ZNF527: variants seen among roughly 807,000 people sequenced by gnomAD.
The protein encoded by ZNF527 is zinc finger protein 527.
Under a neutral mutation model 13.5 loss-of-function variants are expected in ZNF527, and 5 were observed. That is an observed-to-expected ratio of 0.37 (90% CI 0.19 to 0.78). ZNF527 has a LOEUF of 0.78. Among genes scored for constraint, ZNF527 ranks in the 30% least tolerant of loss-of-function variants. ZNF527 has a pLI of 0.48. For missense variants in ZNF527, 628 were observed against 726.4 expected (o/e 0.86, Z 1.56); for synonymous variants, 209 against 243.1 (o/e 0.86, Z 1.30).
chr19:37,379,159 C>G lies in ZNF527; in HGVS notation c.73C>G (p.Gln25Glu). Residue 25 changes from glutamine to glutamate, a missense_variant, in exon 3 of 5, where the codon CAA becomes GAA. By Grantham distance (29) the Gln-to-Glu change is conservative. Coordinates refer to ENST00000436120, the MANE Select transcript of ZNF527 (RefSeq NM_032453.2). ...CAGAGATGTGGCGCTAGACTTTTCCCAAGAAGAGTGGGAATGGCTGAAGCC... is the reference window on the plus strand; with the variant it reads ...CAGAGATGTGGCGCTAGACTTTTCCGAAGAAGAGTGGGAATGGCTGAAGCC... ...TFRDVALDFS[Q>E]EEWEWLKPSQ... is the part of the protein sequence containing the mutation. 6.2e-7 allele frequency: 1 copy of G among 1,613,914 alleles called. No homozygotes were observed. Among genetic ancestry groups the G allele is most frequent in the Non-Finnish European group, 8.5e-7 (1 of 1,179,942 alleles).
At position 37,380,322 on chromosome 19, in the gene ZNF527, G is replaced by A. The variant is rs1264260812; in HGVS notation, c.206G>A (p.Gly69Glu). The change falls in exon 4 of 5, where the codon GGG becomes GAG. Residue 69 changes from glycine (G) to glutamate (E), a missense_variant. Gly to Glu is a moderately conservative substitution (Grantham distance 98, BLOSUM62 -2). This residue lies in a region of ZNF527 where 592 missense variants were observed against 678.0 expected (regional missense o/e 0.87). Coordinates refer to ENST00000436120, the MANE Select transcript of ZNF527 (RefSeq NM_032453.2). The stretch of plus-strand genomic sequence containing the variant: ...AACATGATCTCCTTACTGGAGCAAG[G>A]GAAGGAACCGTGGATGGTGGAGAGA... ...KPNMISLLEQGKEPWMVERKM... is the reference protein window; with the variant it reads ...KPNMISLLEQEKEPWMVERKM... 22 of 1,613,958 alleles carry A rather than the reference G, an allele frequency of 1.4e-5. No homozygotes were observed. The highest frequency in any genetic ancestry group is 1.7e-5 in the Non-Finnish European group (20 of 1,180,000).
At chr19:37,373,730 G>A (rs1237806186) in intron 1 of ZNF527, among the ~76,000 whole-genome samples, 1 of 152,188 alleles carries the variant, frequency 6.6e-6, no homozygotes, top group Non-Finnish European at 1.5e-5. Context: ...GGAATAAAGA[G>A]GAGTGGCCCA....
chr19:37,376,655 T>G (rs1386627432), intron 2 of ZNF527, among the ~76,000 whole-genome samples: 1 of 118,378 alleles, frequency 8.4e-6, no homozygotes, highest in Non-Finnish European at 1.6e-5. Flanking sequence ...GCCTGGGGCC[T>G]GGGTGACACG....
rs763058525 is a variant in ZNF527, at chr19:37,388,308, T to C, written c.259T>C (p.Trp87Arg). The C allele has an allele frequency of 3.7e-6, 6 of 1,610,240 alleles. No individual in the cohort carries two copies. The highest frequency in any genetic ancestry group is 5.1e-6 in the Non-Finnish European group (6 of 1,177,482). ...TTTGCTTTCTTGATATTTTTCAGAC[T>C]GGGAGTCTTGGTGTGAAATTGAGGA... ...RKMSQGHCAD[W>R]ESWCEIEELS... The change falls in exon 5 of 5, where the codon TGG becomes CGG. Residue 87 changes from tryptophan to arginine, a missense_variant and splice_region_variant. Trp to Arg is a moderately radical substitution (Grantham distance 101, BLOSUM62 -3). Around this residue, in one of 3 missense-constraint regions of ZNF527, gnomAD observed 592 missense variants for 678.0 expected, o/e 0.87. Coordinates refer to ENST00000436120, the MANE Select transcript of ZNF527 (RefSeq NM_032453.2).
At chr19:37,378,752 A>G (rs893670864) in intron 2 of ZNF527, among the ~76,000 whole-genome samples, 1 of 152,164 alleles carries the variant, frequency 6.6e-6, no homozygotes, top group African/African-American at 2.4e-5. Flanking sequence ...TTAAAGCCCA[A>G]TTCAAGGCCT....
chr19:37,385,976 G>A (rs116209610), intron 4 of ZNF527, among the ~76,000 whole-genome samples: 2,232 of 151,936 alleles, frequency 0.015, 65 homozygotes, highest in African/African-American at 0.051. Context: ...GTATAAGATA[G>A]TTCTTACCAC....
In ZNF527 at chr19:37,379,140, T is replaced by C. The variant is rs1470512249; in HGVS notation, c.54T>C (p.Asp18=). 3.7e-6 allele frequency: 6 copies of C among 1,614,122 alleles called. No homozygotes were observed. In the South Asian group the frequency reaches 6.6e-5, roughly 18 times the overall value. ...AMSQGLVTFR[D]VALDFSQEEW... ...TTCAGGGGTTGGTGACCTTCAGAGA[T>C]GTGGCGCTAGACTTTTCCCAAGAAG... The change falls in exon 3 of 5, where the codon GAT becomes GAC. Residue 18 remains aspartate, a synonymous_variant. Transcript: ENST00000436120.
chr19:37,371,674 A>G (rs1433088216), intron 1 of ZNF527, among the ~76,000 whole-genome samples: 1 of 152,116 alleles, frequency 6.6e-6, no homozygotes, highest in East Asian at 1.9e-4. Context: ...CCGCAGGTAT[A>G]GTTTTGTATC....
intron 4 of ZNF527, chr19:37,385,139 C>A: frequency 4.4e-6 from 2 of 458,598 alleles, no homozygotes; most frequent in South Asian, 5.5e-5. Context: ...GATTATTTTT[C>A]TTTTTCTTAC....
At position 37,389,732 on chromosome 19, in the gene ZNF527, G is replaced by C. The variant is rs753302710; in HGVS notation, c.1683G>C (p.Lys561Asn). Residue 561 changes from lysine to asparagine, a missense_variant, in exon 5 of 5, where the codon AAG becomes AAC. By Grantham distance (94) the Lys-to-Asn change is moderately conservative. Around this residue, in one of 3 missense-constraint regions of ZNF527, gnomAD observed 592 missense variants for 678.0 expected, o/e 0.87. Coordinates refer to ENST00000436120, the MANE Select transcript of ZNF527 (RefSeq NM_032453.2). ...EKPYECSECGKAFHQILSLRL... is the reference protein window; with the variant it reads ...EKPYECSECGNAFHQILSLRL... The stretch of plus-strand genomic sequence containing the variant: ...CCTATGAATGTAGTGAATGTGGGAA[G>C]GCTTTTCATCAGATCTTGTCCCTAA... 4 of 1,613,942 alleles carry C rather than the reference G, an allele frequency of 2.5e-6. No homozygotes were observed. Among genetic ancestry groups the C allele is most frequent in the Non-Finnish European group, 8.5e-7 (1 of 1,180,016 alleles).
In ZNF527 at chr19:37,388,756, A is replaced by T. The variant is rs924870461; in HGVS notation, c.707A>T (p.Asp236Val). 2 of 1,612,858 alleles carry T rather than the reference A, an allele frequency of 1.2e-6. No individual in the cohort carries two copies. Among genetic ancestry groups the T allele is most frequent in the African/African-American group, 2.7e-5 (2 of 74,950 alleles). Reference protein sequence around the residue: ...EFNQSTYLSKDIGIPPGEKPY... With the variant: ...EFNQSTYLSKVIGIPPGEKPY... Reference sequence around the variant, plus strand: ...AACCAGAGTACGTACCTTAGTAAAGATATAGGAATTCCTCCTGGGGAGAAA... The same window carrying T: ...AACCAGAGTACGTACCTTAGTAAAGTTATAGGAATTCCTCCTGGGGAGAAA... The change falls in exon 5 of 5, where the codon GAT becomes GTT. Residue 236 changes from aspartate (D) to valine (V), a missense_variant. By Grantham distance (152) the Asp-to-Val change is radical (BLOSUM62 -3). Transcript: ENST00000436120.
chr19:37,375,674 A>T (rs2040602428), intron 2 of ZNF527, among the ~76,000 whole-genome samples: 1 of 151,952 alleles, frequency 6.6e-6, no homozygotes, highest in African/African-American at 2.4e-5. Flanking sequence ...TAGTGTATTT[A>T]AAACATGAGA....
intron 4 of ZNF527, among the ~76,000 whole-genome samples, chr19:37,383,594 A>C (rs2040673163): frequency 6.7e-6 from 1 of 149,070 alleles, no homozygotes; most frequent in Non-Finnish European, 1.5e-5. Flanking sequence ...GCTGGAGTGC[A>C]GTGGCGCAAT....
chr19:37,382,274 T>TAG (rs2040659967), intron 4 of ZNF527, among the ~76,000 whole-genome samples: 1 of 133,648 alleles, frequency 7.5e-6, no homozygotes, highest in Non-Finnish European at 1.6e-5. Flanking sequence ...AGGAAACAGA[T>TAG]AGATAGATAG....
rs899410233 is a variant in ZNF527, at chr19:37,390,666, A to C, written c.*787A>C. ...AGGAAAATGGAGATGAGAGACAGAA[A>C]TATGATGATACAGCTTGATCTCCTG... On this transcript the variant is annotated 3_prime_UTR_variant, in exon 5 of 5. Transcript: ENST00000436120. 6.6e-6 allele frequency: 1 copy of C among 152,202 alleles called. No individual in the cohort carries two copies. Among genetic ancestry groups the C allele is most frequent in the Non-Finnish European group, 1.5e-5 (1 of 68,038 alleles). The allele number at this position is 152,202 out of a possible 1,614,324, so 9.4% of individuals were successfully genotyped here. A position where few individuals can be genotyped will look rare whatever the true frequency, so the allele number is the denominator to read the frequency against.
chr19:37,375,837 A>G (rs1273699003), intron 2 of ZNF527, among the ~76,000 whole-genome samples: 2 of 152,216 alleles, frequency 1.3e-5, no homozygotes, highest in African/African-American at 4.8e-5. Context: ...AAGGAAAACC[A>G]GAAGAGTGTG....
At chr19:37,375,266 C>CTTTG (rs1568691298) in intron 2 of ZNF527, among the ~76,000 whole-genome samples, 6 of 120,664 alleles carry the variant, frequency 5.0e-5, no homozygotes, top group African/African-American at 2.1e-4. Flanking sequence ...TTCTTTCTTT[C>CTTTG]TTTCTTTCTT....
In ZNF527 at chr19:37,389,812, G is replaced by A; in HGVS notation, c.1763G>A (p.Gly588Glu). 1 of 1,613,134 alleles carries A rather than the reference G, an allele frequency of 6.2e-7. No homozygotes were observed. Among genetic ancestry groups the A allele is most frequent in the South Asian group, 1.1e-5 (1 of 91,032 alleles). ...GEKPYKCNEC[G>E]NNFSCVSALR... ...AAACCTTATAAATGTAACGAATGTG[G>A]GAATAATTTTAGCTGTGTCTCAGCC... Residue 588 changes from glycine to glutamate, a missense_variant, in exon 5 of 5, where the codon GGG becomes GAG. Coordinates refer to ENST00000436120, the MANE Select transcript of ZNF527 (RefSeq NM_032453.2).
rs34967980 is a variant in ZNF527 at position 37,379,460 on chromosome 19, CTTTTT to C, written c.160+229_160+233del. On this transcript the variant is annotated intron_variant, in intron 3 of 4. Coordinates refer to ENST00000436120, the MANE Select transcript of ZNF527 (RefSeq NM_032453.2). ...ACATTCTGAACACATGAAGTAATTT[CTTTTT>C]TTTTTTTTTTTTTTGAGACAGAGTC... The C allele has an allele frequency of 5.5e-4, 89 of 160,978 alleles. No homozygotes were observed. In the Middle Eastern group the frequency reaches 7.7e-3, roughly 14 times the overall value. 10.0% of individuals were successfully genotyped at this position (160,978 alleles called of 1,614,324 possible).
Sources: gnomAD v4.1 joint callset for allele counts (sites outside exome capture counted in the v4.1 genomes callset) on GRCh38, gnomAD v4.1.1 for gene constraint, gnomAD v4.1.1 regional missense constraint, MANE v1.5 for transcripts, NCBI Gene and HGNC (gene_info 2026-07-23, HGNC 2026-07-21) for gene names.